The following ABCB11 variants were observed in gnomAD, a reference collection of about 807,000 sequenced individuals.
The protein encoded by ABCB11 is bile salt export pump.
In ABCB11, 95 loss-of-function variants were observed where a neutral mutation model predicts 148.0. That is an observed-to-expected ratio of 0.64 (90% CI 0.54 to 0.76). The LOEUF (loss-of-function observed/expected upper bound fraction) is 0.76. ABCB11 is among the 30% of genes least tolerant of loss of function. ABCB11 has a pLI of 0.00. For synonymous variants in ABCB11, 591 were observed against 555.4 expected, an observed-to-expected ratio of 1.06 and a Z score of -0.90; for missense variants, 1,523 against 1,617.8, an observed-to-expected ratio of 0.94 and a Z score of 1.01.
chr2:169,022,603 C>T (rs1213003895), intron 1 of ABCB11, among the ~76,000 whole-genome samples: 4 of 151,950 alleles, frequency 2.6e-5, no homozygotes, highest in Non-Finnish European at 4.4e-5. Context: ...ATGTTACAGG[C>T]AAATTTTACC....
At position 168,935,421 on chromosome 2, in the gene ABCB11, G is replaced by A. The variant is rs1691774594; in HGVS notation, c.2819C>T (p.Thr940Ile). ...GCGGATGTTACTGAGGGCTTCATTT[G>A]TAATCTGAAGATTGAAAAAGAGTCT... ...KQALEMVGQI[T>I]NEALSNIRTV... Residue 940 changes from threonine to isoleucine, a missense_variant, in exon 23 of 28, where the codon ACA becomes ATA. Thr to Ile is a moderately conservative substitution (Grantham distance 89). Transcript: ENST00000650372. 2 of 1,608,714 alleles carry A rather than the reference G, an allele frequency of 1.2e-6. No homozygotes were observed. The highest frequency in any genetic ancestry group is 3.4e-5 in the Admixed American group (2 of 59,462).
intron 17 of ABCB11, among the ~76,000 whole-genome samples, chr2:168,965,023 G>A (rs537990939): frequency 6.6e-6 from 1 of 151,820 alleles, no homozygotes; most frequent in Admixed American, 6.6e-5. Flanking sequence ...CACACCCTAA[G>A]GTAAAGAAGA....
intron 1 of ABCB11, 49 bp from the exon 2 acceptor site, chr2:169,018,201 TCTTTA>T: frequency 6.6e-7 from 1 of 1,521,376 alleles, no homozygotes; most frequent in Non-Finnish European, 9.0e-7. Flanking sequence ...TCTTCTTTCT[TCTTTA>T]ATCAAAGTAG....
Position 168,969,508 on chromosome 2 carries a change from G to C in ABCB11, c.1853C>G (p.Ser618Cys). 2 of 1,612,512 alleles carry C rather than the reference G, an allele frequency of 1.2e-6. No homozygotes were observed. Among genetic ancestry groups the C allele is most frequent in the Non-Finnish European group, 1.7e-6 (2 of 1,179,160 alleles). The change falls in exon 16 of 28, where the codon TCT becomes TGT. Residue 618 changes from serine (S) to cysteine (C), a missense_variant. Ser to Cys is a moderately radical substitution (Grantham distance 112, BLOSUM62 -1). Coordinates refer to ENST00000650372, the MANE Select transcript of ABCB11 (RefSeq NM_003742.4). The part of the protein sequence containing the change: ...HTIISVAHRL[S>C]TVRAADTIIG... Reference sequence around the variant, plus strand: ...GATGGTATCTGCAGCTCTGACCGTAGACAAGCGATGAGCAACTGAAATGAT... The same window carrying C: ...GATGGTATCTGCAGCTCTGACCGTACACAAGCGATGAGCAACTGAAATGAT...
chr2:168,917,054 G>A (rs1018560643), downstream of ABCB11, among the ~76,000 whole-genome samples: 1 of 151,976 alleles, frequency 6.6e-6, no homozygotes, highest in Non-Finnish European at 1.5e-5. Flanking sequence ...AAATATTCCA[G>A]GACCTACATT....
intron 19 of ABCB11, among the ~76,000 whole-genome samples, chr2:168,955,272 T>G (rs989172705): frequency 5.3e-5 from 8 of 151,668 alleles, no homozygotes; most frequent in Non-Finnish European, 1.0e-4. Flanking sequence ...CATTGGTATC[T>G]CTATTAAACT....
chr2:168,944,226 A>G lies in ABCB11; in HGVS notation c.2610+379T>C, dbSNP rs537755453. On this transcript the variant is annotated intron_variant, in intron 21 of 27. Transcript: ENST00000650372. ...GCTTCTCTGTTCATAAGGCTAAACCACACTCTGGGGTCCTGTGTGAGTAAG... is the reference window on the plus strand; with the variant it reads ...GCTTCTCTGTTCATAAGGCTAAACCGCACTCTGGGGTCCTGTGTGAGTAAG... Among the ~76,000 whole-genome samples the G allele has an allele frequency of 3.3e-5, 5 of 152,152 alleles. No individual in the cohort carries two copies. The South Asian group carries it at 6.2e-4, about 19-fold the overall frequency.
At chr2:168,955,834 G>A (rs1034302399) in intron 19 of ABCB11, among the ~76,000 whole-genome samples, 43 of 151,776 alleles carry the variant, frequency 2.8e-4, no homozygotes, top group African/African-American at 1.0e-3. Flanking sequence ...CAGATAAAAT[G>A]GGGGTACAAG....
intron 5 of ABCB11, among the ~76,000 whole-genome samples, chr2:169,003,372 A>T (rs1480531751): frequency 6.7e-6 from 1 of 148,588 alleles, no homozygotes; most frequent in Non-Finnish European, 1.5e-5. Flanking sequence ...ATGCACACAC[A>T]CAAAAACATA....
chr2:168,950,022 C>A (rs941956253), intron 19 of ABCB11, among the ~76,000 whole-genome samples: 1 of 151,178 alleles, frequency 6.6e-6, no homozygotes, highest in Non-Finnish European at 1.5e-5. Context: ...GCCTTCCTTG[C>A]CCCTCAAGCT....
At chr2:169,020,533 C>T (rs1029446277) in intron 1 of ABCB11, among the ~76,000 whole-genome samples, 3 of 152,024 alleles carry the variant, frequency 2.0e-5, no homozygotes, top group Admixed American at 2.0e-4. Flanking sequence ...CCAAACGGTT[C>T]AGTAATTACG....
At chr2:169,001,124 G>A (rs1267729552) in intron 5 of ABCB11, among the ~76,000 whole-genome samples, 9 of 152,030 alleles carry the variant, frequency 5.9e-5, no homozygotes, top group East Asian at 5.8e-4. Flanking sequence ...ACTCTCCTTC[G>A]TTAATAAGTG....
chr2:169,001,427 C>T (rs1006052156), intron 5 of ABCB11, among the ~76,000 whole-genome samples: 7 of 152,150 alleles, frequency 4.6e-5, no homozygotes, highest in Non-Finnish European at 8.8e-5. Context: ...CCTTCCATGG[C>T]GGTGGTGGTA....
chr2:168,965,138 G>A (rs4148794), intron 17 of ABCB11, among the ~76,000 whole-genome samples: 74,328 of 151,324 alleles, frequency 0.49, 18,792 homozygotes, highest in Non-Finnish European at 0.57. Context: ...GGATGAGATG[G>A]CTAAGGTAGG....
Position 168,924,654 on chromosome 2 carries a change from T to C in ABCB11, c.3765+3A>G, listed in dbSNP as rs1432685947. The C allele has an allele frequency of 1.2e-6, 2 of 1,613,692 alleles. No individual in the cohort carries two copies. The highest frequency in any genetic ancestry group is 1.3e-5 in the African/African-American group (1 of 75,022). The stretch of plus-strand genomic sequence containing the variant: ...TCTAAGACTTTAGAAATTCAACACT[T>C]ACCTTTTCACTTTCTGTGTCTAAGG... On this transcript the variant is annotated splice_donor_region_variant and intron_variant, in intron 27 of 27. Transcript: ENST00000650372.
intron 13 of ABCB11, 87 bp downstream of exon 13, chr2:168,973,628 G>T: frequency 6.7e-7 from 1 of 1,489,230 alleles, no homozygotes; most frequent in Non-Finnish European, 9.2e-7. Context: ...CAGTCTCAAT[G>T]TATGCTACAC....
chr2:168,950,117 C>A (rs1051348900), intron 19 of ABCB11, among the ~76,000 whole-genome samples: 6 of 135,732 alleles, frequency 4.4e-5, no homozygotes, highest in African/African-American at 1.1e-4. Context: ...TGATATATAT[C>A]CTATTACTCC....
chr2:168,975,579 A>C (rs1311097405), intron 12 of ABCB11, among the ~76,000 whole-genome samples: 1 of 108,896 alleles, frequency 9.2e-6, no homozygotes. Context: ...TTATAGATAA[A>C]TATATAAATA....
At chr2:168,942,303 C>T (rs1299755394) in intron 21 of ABCB11, among the ~76,000 whole-genome samples, 1 of 151,634 alleles carries the variant, frequency 6.6e-6, no homozygotes, top group Non-Finnish European at 1.5e-5. Flanking sequence ...CAATAGCAAT[C>T]CTACTGTGTA....
Sources: gnomAD v4.1 joint callset for allele counts (sites outside exome capture counted in the v4.1 genomes callset) on GRCh38, gnomAD v4.1.1 for gene constraint, MANE v1.5 for transcripts, NCBI Gene and HGNC (gene_info 2026-07-23, HGNC 2026-07-21) for gene names.